The following SNX29 variants were observed in gnomAD, a reference collection of about 807,000 sequenced individuals.
SNX29 encodes sorting nexin 29.
In SNX29, 78 loss-of-function variants were observed where a neutral mutation model predicts 102.1. That is an observed-to-expected ratio of 0.76 (90% CI 0.64 to 0.92). The LOEUF (loss-of-function observed/expected upper bound fraction) is 0.92. SNX29 is among the 40% of genes least tolerant of loss of function. The pLI, the probability that SNX29 is intolerant of heterozygous loss-of-function variation, is 0.00. For missense variants in SNX29, 1,280 were observed against 1,061.7 expected (o/e 1.21, Z -2.86); for synonymous variants, 580 against 414.5 (o/e 1.40, Z -4.85).
chr16:12,230,834 ATGTATG>A (rs2077747208), intron 14 of SNX29, among the ~76,000 whole-genome samples: 2 of 106,838 alleles, frequency 1.9e-5, no homozygotes, highest in African/African-American at 9.1e-5. Context: ...GTATGTATGT[ATGTATG>A]TATGTATATA....
intron 20 of SNX29, chr16:12,546,179 G>A (rs897445161): frequency 1.3e-5 from 2 of 152,232 alleles, no homozygotes; most frequent in African/African-American, 2.4e-5. Context: ...GGGCACTGGT[G>A]CAGGGAATGT....
intron 14 of SNX29, among the ~76,000 whole-genome samples, chr16:12,267,245 A>AGTGTGTGTGT (rs59796551): frequency 0.032 from 4,762 of 150,620 alleles, 124 homozygotes; most frequent in African/African-American, 0.065. Flanking sequence ...CATGGGTGCG[A>AGTGTGTGTGT]GTGTGTGTGT....
intron 18 of SNX29, among the ~76,000 whole-genome samples, chr16:12,406,577 C>T (rs1479644893): frequency 1.3e-5 from 2 of 152,136 alleles, no homozygotes; most frequent in Non-Finnish European, 2.9e-5. Flanking sequence ...TACCAGAGCT[C>T]CTAGCCATGT....
At chr16:12,563,664 C>G (rs2903038) in intron 20 of SNX29, among the ~76,000 whole-genome samples, 3 of 152,012 alleles carry the variant, frequency 2.0e-5, no homozygotes, top group African/African-American at 7.3e-5. Context: ...CTTTTCAATT[C>G]CCCGAGAGCC....
chr16:12,440,842 G>A (rs1295195764), intron 18 of SNX29, among the ~76,000 whole-genome samples: 5 of 152,106 alleles, frequency 3.3e-5, no homozygotes, highest in Admixed American at 6.5e-5. Context: ...GCGTATCATC[G>A]ATGGGCATTG....
intron 14 of SNX29, among the ~76,000 whole-genome samples, chr16:12,233,406 A>G (rs919698190): frequency 2.6e-5 from 4 of 152,134 alleles, no homozygotes; most frequent in Non-Finnish European, 5.9e-5. Context: ...CTGGACAGGA[A>G]GATGCTAACA....
chr16:12,077,427 G>GTGTGTA (rs1555455672), intron 10 of SNX29, among the ~76,000 whole-genome samples: 2 of 145,598 alleles, frequency 1.4e-5, no homozygotes, highest in Non-Finnish European at 3.0e-5. Flanking sequence ...GTGTGTGTGT[G>GTGTGTA]TATCTCTGTT....
chr16:12,226,110 G>A (rs28439314), intron 14 of SNX29, among the ~76,000 whole-genome samples: 1 of 152,112 alleles, frequency 6.6e-6, no homozygotes, highest in Non-Finnish European at 1.5e-5. Context: ...TAATCTTTTC[G>A]AACTTACATC....
At chr16:12,319,807 T>A (rs979534286) in intron 15 of SNX29, among the ~76,000 whole-genome samples, 7 of 152,122 alleles carry the variant, frequency 4.6e-5, no homozygotes, top group Admixed American at 4.6e-4. Flanking sequence ...CTTTGTTAAC[T>A]ATGGAGACTT....
At chr16:12,528,557 C>A (rs980246166) in intron 20 of SNX29, among the ~76,000 whole-genome samples, 3 of 152,192 alleles carry the variant, frequency 2.0e-5, no homozygotes, top group African/African-American at 7.2e-5. Flanking sequence ...CACTCTCCCA[C>A]ACTTGGATGC....
At chr16:12,559,611 A>G (rs2078597234) in intron 20 of SNX29, among the ~76,000 whole-genome samples, 1 of 152,118 alleles carries the variant, frequency 6.6e-6, no homozygotes, top group Non-Finnish European at 1.5e-5. Context: ...GACTGCTGCC[A>G]CGTGACCTTG....
In SNX29 at chr16:12,394,100, C is replaced by T. The variant is rs547300981; in HGVS notation, c.1900-4346C>T. On this transcript the variant is annotated intron_variant, in intron 16 of 20. Coordinates refer to ENST00000566228, the MANE Select transcript of SNX29 (RefSeq NM_032167.5). ...GGGCAAAGCCTCCTAAGTCTTCCTG[C>T]AGCAGCAACAGCAAAATAAAATCAG... Among the ~76,000 whole-genome samples, 23 of 152,338 alleles carry T rather than the reference C, an allele frequency of 1.5e-4. No individual in the cohort carries two copies. The South Asian group carries it at 1.7e-3, about 11-fold the overall frequency.
At chr16:12,186,558 C>T (rs1344357192) in intron 13 of SNX29, among the ~76,000 whole-genome samples, 1 of 152,114 alleles carries the variant, frequency 6.6e-6, no homozygotes, top group Non-Finnish European at 1.5e-5. Flanking sequence ...GATATTTAGG[C>T]TATATTCATA....
At chr16:12,452,770 G>A (rs1414092877) in intron 18 of SNX29, among the ~76,000 whole-genome samples, 5 of 152,140 alleles carry the variant, frequency 3.3e-5, no homozygotes, top group African/African-American at 7.2e-5. Context: ...TGGTGAAGGT[G>A]TCGGCAGGCA....
chr16:12,200,753 G>A (rs1301562208), intron 14 of SNX29, among the ~76,000 whole-genome samples: 1 of 152,154 alleles, frequency 6.6e-6, no homozygotes, highest in Admixed American at 6.5e-5. Flanking sequence ...CCAAAGAGCT[G>A]GGATTACAGG....
rs369206296 is a variant in SNX29 at position 12,199,749 on chromosome 16, C to G, written c.1678+66C>G. ...TTTCCATTAACACCTGTACGTGGCA[C>G]GCAATAGACACTCAATGTGTGACGA... On this transcript the variant is annotated intron_variant, in intron 14 of 20. Coordinates refer to ENST00000566228, the MANE Select transcript of SNX29 (RefSeq NM_032167.5). The G allele has an allele frequency of 1.2e-5, 15 of 1,295,634 alleles. No homozygotes were observed. In the East Asian group the frequency reaches 1.2e-4, roughly 11 times the overall value. The allele number at this position is 1,295,634 out of a possible 1,614,324, so 80.3% of individuals were successfully genotyped here.
chr16:12,382,831 G>A (rs1008437057), intron 16 of SNX29, among the ~76,000 whole-genome samples: 2 of 151,848 alleles, frequency 1.3e-5, no homozygotes, highest in African/African-American at 4.8e-5. Flanking sequence ...GTCTTTACTT[G>A]GCCTTCTCCT....
intron 9 of SNX29, among the ~76,000 whole-genome samples, chr16:12,067,022 A>C (rs530271440): frequency 6.7e-6 from 1 of 148,172 alleles, no homozygotes; most frequent in South Asian, 2.1e-4. Flanking sequence ...TAAATAAATA[A>C]ATAAATAAAT....
chr16:11,992,661 G>A (rs1182326018), intron 1 of SNX29, among the ~76,000 whole-genome samples: 2 of 152,216 alleles, frequency 1.3e-5, no homozygotes, highest in African/African-American at 4.8e-5. Context: ...GTTAGGGAGA[G>A]CAGGGCTCAG....
Sources: allele counts gnomAD v4.1 joint callset (sites outside exome capture counted in the v4.1 genomes callset), GRCh38; gene constraint gnomAD v4.1.1; transcripts MANE v1.5; gene names NCBI Gene and HGNC (gene_info 2026-07-23, HGNC 2026-07-21).